RUNX3: variants seen among roughly 807,000 people sequenced by gnomAD.
RUNX3 encodes the protein RUNX family transcription factor 3, also known as runt-related transcription factor 3.
A neutral mutation model predicts 27.7 loss-of-function variants in RUNX3; 10 were observed. The ratio of observed to expected loss-of-function variants is 0.36; its 90% CI spans 0.22 to 0.61. RUNX3 has a LOEUF of 0.61. Among genes scored for constraint, RUNX3 ranks in the 20% least tolerant of loss-of-function variants. The probability of loss-of-function intolerance (pLI) is 0.72; values close to 1 mark genes in which losing one functional copy is unlikely to be tolerated. For synonymous variants in RUNX3, 270 were observed against 269.2 expected (o/e 1.00, Z -0.03); for missense variants, 469 against 629.5 (o/e 0.75, Z 2.73).
chr1:24,927,806 G>C lies in RUNX3; in HGVS notation c.283-76C>G. On this transcript the variant is annotated intron_variant, in intron 1 of 4. Transcript: ENST00000308873. The surrounding 1 kb of genome is among the most constrained non-coding windows in gnomAD (Gnocchi z 5.0). ...GGTGACCAGGGAAAGGAGGGGAGGGGCTGGGCTGGGCAGCTCCCCCAGGTC... is the reference window on the plus strand; with the variant it reads ...GGTGACCAGGGAAAGGAGGGGAGGGCCTGGGCTGGGCAGCTCCCCCAGGTC... The C allele has an allele frequency of 7.6e-7, 1 of 1,314,532 alleles. No homozygotes were observed. Among genetic ancestry groups the C allele is most frequent in the Non-Finnish European group, 1.1e-6 (1 of 911,844 alleles). 81.4% of individuals were successfully genotyped at this position (1,314,532 alleles called of 1,614,324 possible).
intron 3 of RUNX3, among the ~76,000 whole-genome samples, chr1:24,909,928 G>A (rs576862104): frequency 6.6e-5 from 10 of 152,322 alleles, no homozygotes; most frequent in South Asian, 2.1e-4. Flanking sequence ...GCGGAGAGGC[G>A]AGGAAGCTTG....
At chr1:24,953,846 TAA>T (rs1641842480) in intron 2 of RUNX3, among the ~76,000 whole-genome samples, 1 of 152,260 alleles carries the variant, frequency 6.6e-6, no homozygotes, top group African/African-American at 2.4e-5. Flanking sequence ...TCAGAAGTCC[TAA>T]ATTTGAATGC....
intron 2 of RUNX3, among the ~76,000 whole-genome samples, chr1:24,924,341 AC>A (rs1250359669): frequency 6.6e-6 from 1 of 152,182 alleles, no homozygotes; most frequent in Non-Finnish European, 1.5e-5. Flanking sequence ...GGCCTGGGCG[AC>A]AGAGCGAGAC....
Position 24,913,686 on chromosome 1 carries a change from C to T in RUNX3, c.544+5554G>A, listed in dbSNP as rs564576851. Among the ~76,000 whole-genome samples the T allele has an allele frequency of 7.2e-5, 11 of 152,360 alleles. No individual in the cohort carries two copies. The South Asian group carries it at 2.1e-3, about 29-fold the overall frequency. ...AGTCTGGGGACTCACCAGGGTCACG[C>T]AGTGTGGGAGCTAGAGGACCAGGGC... On this transcript the variant is annotated intron_variant, in intron 3 of 4. Transcript: ENST00000308873.
At chr1:24,908,315 C>T (rs926031633) in intron 3 of RUNX3, among the ~76,000 whole-genome samples, 7 of 151,768 alleles carry the variant, frequency 4.6e-5, no homozygotes, top group Middle Eastern at 3.2e-3. Context: ...CTACGACACA[C>T]GGTGATCCAA....
upstream of RUNX3, among the ~76,000 whole-genome samples, chr1:24,933,970 C>T (rs1641289780): frequency 6.6e-6 from 1 of 152,226 alleles, no homozygotes; most frequent in Non-Finnish European, 1.5e-5. Flanking sequence ...TGCCCTAGAA[C>T]TCAAAGGGGA....
At chr1:24,963,923 A>C (rs1442098408) in intron 2 of RUNX3, among the ~76,000 whole-genome samples, 4 of 152,094 alleles carry the variant, frequency 2.6e-5, no homozygotes, top group African/African-American at 9.7e-5. Context: ...AAATCCACGA[A>C]CTTTCTCGAG....
upstream of RUNX3, among the ~76,000 whole-genome samples, chr1:24,931,728 C>T (rs745448698): frequency 1.2e-4 from 18 of 152,230 alleles, no homozygotes; most frequent in South Asian, 2.1e-4. Context: ...AATCAAGCCC[C>T]GCGTGCGCTC....
chr1:24,954,021 T>C (rs1315714556), intron 2 of RUNX3, among the ~76,000 whole-genome samples: 1 of 152,062 alleles, frequency 6.6e-6, no homozygotes, highest in Admixed American at 6.5e-5. Flanking sequence ...CAAGTTATCC[T>C]CCTGCCTCAG....
At chr1:24,931,525 A>G (rs1641227982), upstream of RUNX3, among the ~76,000 whole-genome samples, 1 of 152,190 alleles carries the variant, frequency 6.6e-6, no homozygotes, top group African/African-American at 2.4e-5. Flanking sequence ...ACTCTGGGGA[A>G]CGAACGCGTG....
In RUNX3 at chr1:24,927,609, A is replaced by T. The variant is rs755613295; in HGVS notation, c.404T>A (p.Phe135Tyr). The change falls in exon 2 of 5, where the codon TTC becomes TAC. Residue 135 changes from phenylalanine (F) to tyrosine (Y), a missense_variant. Physicochemically the swap from Phe to Tyr is conservative, Grantham distance 22. Transcript: ENST00000308873. This position sits in a 1 kb window ranked among gnomAD's most constrained non-coding sequence, Gnocchi z 5.0. Reference protein sequence around the residue: ...SAVMKNQVARFNDLRFVGRSG... With the variant: ...SAVMKNQVARYNDLRFVGRSG... ...GCGGCCCACGAAGCGAAGGTCGTTGAACCTGGCCACCTGGTTCTTCATGAC... is the reference window on the plus strand; with the variant it reads ...GCGGCCCACGAAGCGAAGGTCGTTGTACCTGGCCACCTGGTTCTTCATGAC... 6.2e-7 allele frequency: 1 copy of T among 1,614,142 alleles called. No homozygotes were observed. The highest frequency in any genetic ancestry group is 8.5e-7 in the Non-Finnish European group (1 of 1,180,028).
In RUNX3 at chr1:24,964,576, C is replaced by G. The variant is rs748475526; in HGVS notation, c.-5G>C. On this transcript the variant is annotated 5_prime_UTR_variant, in exon 2 of 7. Coordinates refer to the RUNX3 transcript ENST00000338888. The stretch of plus-strand genomic sequence containing the variant: ...GAAGATGCTGTTCGATGCCATGCCC[C>G]GCTCTGAAGAAGGCGAGAATTTTCA... 5 of 1,609,574 alleles carry G rather than the reference C, an allele frequency of 3.1e-6. No individual in the cohort carries two copies. The South Asian group carries it at 4.5e-5, about 14-fold the overall frequency.
intron 4 of RUNX3, among the ~76,000 whole-genome samples, chr1:24,905,434 C>G (rs1276481248): frequency 6.6e-6 from 1 of 152,202 alleles, no homozygotes; most frequent in East Asian, 1.9e-4. Context: ...AGGGGATGGG[C>G]CTGAGGATGG....
chr1:24,940,262 AG>A (rs1225739439), intron 2 of RUNX3, among the ~76,000 whole-genome samples: 1 of 152,182 alleles, frequency 6.6e-6, no homozygotes, highest in Non-Finnish European at 1.5e-5. Context: ...TAGATGGGGC[AG>A]GGGCCGGACC....
intron 2 of RUNX3, among the ~76,000 whole-genome samples, chr1:24,948,378 G>A (rs1323395316): frequency 1.3e-5 from 2 of 152,190 alleles, no homozygotes; most frequent in Admixed American, 6.5e-5. Flanking sequence ...TGCACATGGT[G>A]GGGGTGGGCA....
intron 2 of RUNX3, among the ~76,000 whole-genome samples, chr1:24,944,750 C>G (rs1211164166): frequency 6.6e-6 from 1 of 152,106 alleles, no homozygotes; most frequent in Non-Finnish European, 1.5e-5. Context: ...GGGCTATGAG[C>G]CATGGAAAGC....
rs1007833721 is a variant in RUNX3 at position 24,943,108 on chromosome 1, G to A, written c.59-13256C>T. 2.0e-5 allele frequency among the ~76,000 whole-genome samples: 3 copies of A among 152,224 alleles called. No homozygotes were observed. Among genetic ancestry groups the A allele is most frequent in the Admixed American group, 6.5e-5 (1 of 15,294 alleles). The stretch of plus-strand genomic sequence containing the variant: ...GAGCCGGGTGTCATTGATCTTGCCC[G>A]GTGTTCCAGCCACCAGGCGGGACCA... On this transcript the variant is annotated intron_variant, in intron 2 of 6. Coordinates refer to the RUNX3 transcript ENST00000338888. The surrounding 1 kb of genome is among the most constrained non-coding windows in gnomAD (Gnocchi z 4.6).
In RUNX3 at chr1:24,926,633, G is replaced by T. The variant is rs76422201; in HGVS notation, c.439+941C>A. Reference sequence around the variant, plus strand: ...GCAGCTCAGAGGGAACTAGAACCTTGAGAAGGTCCTGTTTATTGGTGATGA... The same window carrying T: ...GCAGCTCAGAGGGAACTAGAACCTTTAGAAGGTCCTGTTTATTGGTGATGA... On this transcript the variant is annotated intron_variant, in intron 2 of 4. Transcript: ENST00000308873. 2.0e-5 allele frequency among the ~76,000 whole-genome samples: 3 copies of T among 152,334 alleles called. No individual in the cohort carries two copies. In the East Asian group the frequency reaches 5.8e-4, roughly 29 times the overall value.
chr1:24,964,589 G>A (rs983916252), exon 2 of RUNX3: 1 of 1,605,216 alleles, frequency 6.2e-7, no homozygotes, highest in African/African-American at 1.3e-5. Flanking sequence ...TCTGAAGAAG[G>A]CGAGAATTTT....
Sources: gnomAD v4.1 joint callset for allele counts (sites outside exome capture counted in the v4.1 genomes callset) on GRCh38, gnomAD v4.1.1 for gene constraint, Gnocchi (gnomAD v3.1) non-coding constraint, MANE v1.5 for transcripts, NCBI Gene and HGNC (gene_info 2026-07-23, HGNC 2026-07-21) for gene names.